The following TMEM108 variants were observed in gnomAD, a reference collection of about 807,000 sequenced individuals.
The protein encoded by TMEM108 is cancer/testis antigen 124.
In TMEM108, 12 loss-of-function variants were observed where a neutral mutation model predicts 35.1. That is an observed-to-expected ratio of 0.34 (90% CI 0.22 to 0.55). The LOEUF (loss-of-function observed/expected upper bound fraction) is 0.55, where lower values mean the gene tolerates loss of function less well. Ranked by LOEUF, TMEM108 falls within the 20% of genes least tolerant of loss-of-function variation. The pLI is 0.89. For synonymous variants in TMEM108, 287 were observed against 308.6 expected (o/e 0.93, Z 0.73); for missense variants, 680 against 753.3 (o/e 0.90, Z 1.14).
At chr3:133,334,252 G>A (rs2071447880) in intron 3 of TMEM108, among the ~76,000 whole-genome samples, 1 of 152,112 alleles carries the variant, frequency 6.6e-6, no homozygotes, top group African/African-American at 2.4e-5. Context: ...ATGATCACAA[G>A]ATAAGACAGT....
chr3:133,229,361 C>T lies in TMEM108; in HGVS notation c.40+10C>T. On this transcript the variant is annotated intron_variant, in intron 3 of 5. Coordinates refer to ENST00000321871, the MANE Select transcript of TMEM108 (RefSeq NM_023943.4). ...TATTGCCAACTGTTAAGTAAGTTGA[C>T]ACTGTATTTCTTCTTTCCTAAAATA... 6.2e-7 allele frequency: 1 copy of T among 1,612,302 alleles called. No homozygotes were observed. Among genetic ancestry groups the T allele is most frequent in the Admixed American group, 1.7e-5 (1 of 59,880 alleles).
chr3:133,330,786 CTAGT>C (rs146304346), intron 3 of TMEM108, among the ~76,000 whole-genome samples: 2,604 of 152,034 alleles, frequency 0.017, 63 homozygotes, highest in African/African-American at 0.058. Context: ...TCTATGGAAA[CTAGT>C]TAAACAAATA....
intron 3 of TMEM108, among the ~76,000 whole-genome samples, chr3:133,329,099 A>AT (rs201170396): frequency 0.01 from 1,543 of 151,976 alleles, 23 homozygotes; most frequent in African/African-American, 0.034. Context: ...AATATAGTAA[A>AT]TAAGTGTTTG....
intron 2 of TMEM108, among the ~76,000 whole-genome samples, chr3:133,200,050 A>G (rs1043021454): frequency 6.6e-6 from 1 of 152,146 alleles, no homozygotes; most frequent in Non-Finnish European, 1.5e-5. Context: ...CTCCATGGGC[A>G]TGGGACCCTC....
intron 3 of TMEM108, among the ~76,000 whole-genome samples, chr3:133,329,694 A>G (rs2071371772): frequency 1.3e-5 from 2 of 152,208 alleles, no homozygotes; most frequent in African/African-American, 4.8e-5. Context: ...AAAAGTTTCA[A>G]CAATTCTTAT....
At chr3:133,203,821 G>A (rs1357870810) in intron 2 of TMEM108, among the ~76,000 whole-genome samples, 7 of 152,078 alleles carry the variant, frequency 4.6e-5, no homozygotes, top group East Asian at 3.8e-4. Flanking sequence ...AAATGAGTTC[G>A]GGAGGAGTCC....
intron 3 of TMEM108, among the ~76,000 whole-genome samples, chr3:133,291,016 TATA>T (rs1268457880): frequency 1.3e-5 from 2 of 152,208 alleles, no homozygotes; most frequent in Admixed American, 6.5e-5. Context: ...CAGCTGCTCA[TATA>T]ATAATATTTT....
At chr3:133,177,617 CG>C (rs1559858134) in intron 2 of TMEM108, among the ~76,000 whole-genome samples, 1 of 152,166 alleles carries the variant, frequency 6.6e-6, no homozygotes, top group Non-Finnish European at 1.5e-5. Flanking sequence ...AATTCAACAA[CG>C]CTTCATGCTA....
At chr3:133,152,986 A>T (rs4854695) in intron 2 of TMEM108, among the ~76,000 whole-genome samples, 79,499 of 151,328 alleles carry the variant, frequency 0.53, 21,554 homozygotes, top group African/African-American at 0.65. Context: ...TTTTGTACTC[A>T]GGCCAAGATT....
At chr3:133,301,856 A>G (rs1947229798) in intron 3 of TMEM108, among the ~76,000 whole-genome samples, 1 of 152,086 alleles carries the variant, frequency 6.6e-6, no homozygotes, top group South Asian at 2.1e-4. Flanking sequence ...CCTTGTTGCC[A>G]TTTCCTGTCT....
chr3:133,051,640 T>C (rs1943407458), intron 2 of TMEM108, among the ~76,000 whole-genome samples: 1 of 152,148 alleles, frequency 6.6e-6, no homozygotes, highest in Admixed American at 6.5e-5. Flanking sequence ...AGTTTTATAG[T>C]TTTGTCCTTT....
At chr3:133,166,986 G>C (rs1292886693) in intron 2 of TMEM108, among the ~76,000 whole-genome samples, 2 of 151,638 alleles carry the variant, frequency 1.3e-5, no homozygotes, top group Admixed American at 1.3e-4. Context: ...TACAATCTCT[G>C]AGCTAGACAT....
At chr3:133,392,717 C>T (rs2073252629) in intron 5 of TMEM108, among the ~76,000 whole-genome samples, 1 of 152,166 alleles carries the variant, frequency 6.6e-6, no homozygotes, top group Non-Finnish European at 1.5e-5. Context: ...GCTGCCTTTC[C>T]TTCCTGCACA....
chr3:133,277,769 C>T (rs761142746), intron 3 of TMEM108, among the ~76,000 whole-genome samples: 3 of 152,220 alleles, frequency 2.0e-5, no homozygotes, highest in Non-Finnish European at 4.4e-5. Context: ...TGCTGAGTGC[C>T]ATGCAACAGA....
At chr3:133,197,323 C>T (rs1945593200) in intron 2 of TMEM108, among the ~76,000 whole-genome samples, 1 of 152,070 alleles carries the variant, frequency 6.6e-6, no homozygotes, top group Non-Finnish European at 1.5e-5. Context: ...CAGCCTAAGG[C>T]AAGGAGTTAT....
At chr3:133,313,780 C>T (rs1401784588) in intron 3 of TMEM108, among the ~76,000 whole-genome samples, 1 of 151,978 alleles carries the variant, frequency 6.6e-6, no homozygotes, top group Non-Finnish European at 1.5e-5. Flanking sequence ...TTTTTTAGAC[C>T]AGCACGTTTA....
At chr3:133,226,206 T>G (rs1251538729) in intron 2 of TMEM108, among the ~76,000 whole-genome samples, 1 of 152,178 alleles carries the variant, frequency 6.6e-6, no homozygotes, top group Non-Finnish European at 1.5e-5. Context: ...AAGATTCTCA[T>G]TATGCACATA....
intron 2 of TMEM108, among the ~76,000 whole-genome samples, chr3:133,076,993 C>T (rs1420943259): frequency 6.6e-6 from 1 of 152,238 alleles, no homozygotes; most frequent in African/African-American, 2.4e-5. Context: ...AGGGCTGGGG[C>T]ACTGCCTCAG....
At chr3:133,254,318 G>T (rs992341905) in intron 3 of TMEM108, among the ~76,000 whole-genome samples, 1 of 152,194 alleles carries the variant, frequency 6.6e-6, no homozygotes, top group African/African-American at 2.4e-5. Context: ...GACAACAAAG[G>T]CTTCCCTTGA....
Sources: allele counts gnomAD v4.1 joint callset (sites outside exome capture counted in the v4.1 genomes callset), GRCh38; gene constraint gnomAD v4.1.1; transcripts MANE v1.5; gene names NCBI Gene and HGNC (gene_info 2026-07-23, HGNC 2026-07-21).